Variants in DNAAF4 observed in about 807,000 individuals in gnomAD.
DNAAF4 encodes the protein dynein axonemal assembly factor 4.
In DNAAF4, 43 loss-of-function variants were observed where a neutral mutation model predicts 51.8. The ratio of observed to expected loss-of-function variants is 0.83; its 90% CI spans 0.65 to 1.07. The LOEUF (loss-of-function observed/expected upper bound fraction) is 1.07. DNAAF4 is among the 50% of genes least tolerant of loss of function. The probability of loss-of-function intolerance (pLI) is 0.00; values close to 1 mark genes in which losing one functional copy is unlikely to be tolerated. For synonymous variants in DNAAF4, 194 were observed against 165.6 expected, an observed-to-expected ratio of 1.17 and a Z score of -1.32; for missense variants, 581 against 493.0, an observed-to-expected ratio of 1.18 and a Z score of -1.69.
chr15:55,444,642 G>A (rs368605257), intron 6 of DNAAF4, among the ~76,000 whole-genome samples: 1 of 152,120 alleles, frequency 6.6e-6, no homozygotes, highest in Non-Finnish European at 1.5e-5. Context: ...TGGGCAGCAC[G>A]GCCATTTTTA....
intron 5 of DNAAF4, among the ~76,000 whole-genome samples, chr15:55,460,179 A>T (rs1376240003): frequency 6.9e-4 from 85 of 123,858 alleles, no homozygotes; most frequent in African/African-American, 1.7e-3. Context: ...TTATTTACTT[A>T]TTTATTTATT....
downstream of DNAAF4, among the ~76,000 whole-genome samples, chr15:55,425,644 T>A (rs1219570355): frequency 6.6e-6 from 1 of 152,136 alleles, no homozygotes; most frequent in African/African-American, 2.4e-5. Context: ...CAAGACAGAA[T>A]AGGTTTATAT....
At chr15:55,454,286 G>A (rs891436338) in intron 5 of DNAAF4, among the ~76,000 whole-genome samples, 1 of 151,604 alleles carries the variant, frequency 6.6e-6, no homozygotes, top group African/African-American at 2.4e-5. Flanking sequence ...GGACAACAGA[G>A]CAAGACTCTG....
At chr15:55,501,217 C>T (rs2058696118) in intron 1 of DNAAF4, among the ~76,000 whole-genome samples, 3 of 150,396 alleles carry the variant, frequency 2.0e-5, no homozygotes, top group Admixed American at 6.6e-5. Flanking sequence ...GCATGCACCA[C>T]GAAGCCCAGC....
chr15:55,436,213 T>A (rs2057607778), intron 7 of DNAAF4, among the ~76,000 whole-genome samples: 1 of 152,170 alleles, frequency 6.6e-6, no homozygotes, highest in Non-Finnish European at 1.5e-5. Context: ...TATTTTCTGT[T>A]TTTTTTCTGA....
intron 7 of DNAAF4, 118 bp from the exon 8 acceptor site, chr15:55,435,176 G>C: frequency 9.1e-7 from 1 of 1,096,978 alleles, no homozygotes; most frequent in Admixed American, 2.9e-5. Context: ...TCTCTTTAGG[G>C]TAAACGTTGC....
At chr15:55,431,361 C>T (rs1445401033) in intron 9 of DNAAF4, among the ~76,000 whole-genome samples, 2 of 1,456 alleles carry the variant, frequency 1.4e-3, no homozygotes, top group Non-Finnish European at 0.031. Context: ...TGTGTGTATA[C>T]ACACACACAC....
At chr15:55,476,908 C>A (rs533886790) in intron 4 of DNAAF4, among the ~76,000 whole-genome samples, 1 of 152,140 alleles carries the variant, frequency 6.6e-6, no homozygotes. Flanking sequence ...TGGTGGCTCA[C>A]GCCTGTAATC....
intron 7 of DNAAF4, among the ~76,000 whole-genome samples, chr15:55,424,476 A>G (rs551861332): frequency 1.4e-4 from 22 of 152,300 alleles, no homozygotes; most frequent in Middle Eastern, 6.8e-3. Flanking sequence ...TATTTCCCAC[A>G]TGGATGAAAT....
chr15:55,471,585 G>A (rs1411926561), intron 4 of DNAAF4, among the ~76,000 whole-genome samples: 1 of 150,220 alleles, frequency 6.7e-6, no homozygotes, highest in East Asian at 2.0e-4. Context: ...ACGATCTCGG[G>A]TCACTGCAAG....
intron 6 of DNAAF4, among the ~76,000 whole-genome samples, chr15:55,446,053 T>C (rs2057801013): frequency 8.8e-6 from 1 of 113,492 alleles, no homozygotes; most frequent in Admixed American, 9.8e-5. Context: ...GCAGAGGCAC[T>C]CCCCGCTTCC....
At chr15:55,447,448 G>A (rs537073380) in intron 6 of DNAAF4, among the ~76,000 whole-genome samples, 19 of 152,018 alleles carry the variant, frequency 1.2e-4, no homozygotes, top group African/African-American at 2.9e-4. Context: ...AGGTTGTAGC[G>A]AGCCGAGATC....
chr15:55,482,270 G>GA (rs1393736213), intron 4 of DNAAF4, among the ~76,000 whole-genome samples: 1 of 152,132 alleles, frequency 6.6e-6, no homozygotes, highest in African/African-American at 2.4e-5. Flanking sequence ...TGGTGGGAAT[G>GA]AAAAATAGTA....
At chr15:55,473,835 T>TA (rs902923843) in intron 4 of DNAAF4, among the ~76,000 whole-genome samples, 9 of 150,878 alleles carry the variant, frequency 6.0e-5, no homozygotes, top group African/African-American at 2.0e-4. Flanking sequence ...CTACAAAAAA[T>TA]AAAAAAATTA....
chr15:55,433,995 A>ATTCTTATATATAATATAT (rs374359829), intron 8 of DNAAF4, among the ~76,000 whole-genome samples: 2 of 33,290 alleles, frequency 6.0e-5, no homozygotes, highest in African/African-American at 1.6e-4. Context: ...TAATATATAT[A>ATTCTTATATATAATATAT]ATATTATATA....
chr15:55,421,853 C>T (rs1336503911), intron 7 of DNAAF4, among the ~76,000 whole-genome samples: 1 of 150,720 alleles, frequency 6.6e-6, no homozygotes, highest in Non-Finnish European at 1.5e-5. Context: ...CACACCATTG[C>T]ACTCCAGCCT....
chr15:55,488,028 T>C (rs1257431394), intron 4 of DNAAF4, among the ~76,000 whole-genome samples: 2 of 152,158 alleles, frequency 1.3e-5, no homozygotes, highest in African/African-American at 4.8e-5. Context: ...AGGAACCTAA[T>C]TGTGATTCAT....
chr15:55,439,065 A>G lies in DNAAF4; in HGVS notation c.893+407T>C, dbSNP rs576789633. 5.1e-4 allele frequency among the ~76,000 whole-genome samples: 78 copies of G among 152,308 alleles called. 1 individual carries two copies. The highest frequency in any genetic ancestry group is 8.1e-4 in the Non-Finnish European group (55 of 68,032). Reference sequence around the variant, plus strand: ...TTATTTGCATTATCTTTCTCCAACAACACACAAACAGACAAAATATCTAGA... The same window carrying G: ...TTATTTGCATTATCTTTCTCCAACAGCACACAAACAGACAAAATATCTAGA... On this transcript the variant is annotated intron_variant, in intron 7 of 9. Coordinates refer to ENST00000321149, the MANE Select transcript of DNAAF4 (RefSeq NM_130810.4).
At chr15:55,468,719 A>G (rs1371542727) in intron 4 of DNAAF4, among the ~76,000 whole-genome samples, 1 of 152,216 alleles carries the variant, frequency 6.6e-6, no homozygotes, top group Non-Finnish European at 1.5e-5. Context: ...ATTTTACATG[A>G]AGTTTTTAAA....
Sources: gnomAD v4.1 joint callset for allele counts (sites outside exome capture counted in the v4.1 genomes callset) on GRCh38, gnomAD v4.1.1 for gene constraint, MANE v1.5 for transcripts, NCBI Gene and HGNC (gene_info 2026-07-23, HGNC 2026-07-21) for gene names.